SLC45A2: variants seen among roughly 807,000 people sequenced by gnomAD.
SLC45A2 encodes the protein solute carrier family 45 member 2.
SLC45A2 carries 36 observed loss-of-function variants against 45.5 expected under a neutral mutation model. The ratio of observed to expected loss-of-function variants is 0.79; its 90% CI spans 0.61 to 1.04. SLC45A2 has a LOEUF of 1.04. Ranked by LOEUF, SLC45A2 falls within the 50% of genes least tolerant of loss-of-function variation. The pLI is 0.00. For missense variants in SLC45A2, 719 were observed against 671.0 expected (o/e 1.07, Z -0.79); for synonymous variants, 306 against 269.3 (o/e 1.14, Z -1.33).
chr5:33,957,376 C>G (rs1013401187), intron 3 of SLC45A2, among the ~76,000 whole-genome samples: 1 of 152,108 alleles, frequency 6.6e-6, no homozygotes, highest in African/African-American at 2.4e-5. Context: ...CTTATATAAT[C>G]ATGCTTTTTT....
At chr5:33,961,615 T>C (rs1428424504) in intron 3 of SLC45A2, among the ~76,000 whole-genome samples, 1 of 152,026 alleles carries the variant, frequency 6.6e-6, no homozygotes, top group African/African-American at 2.4e-5. Context: ...TTAGGCACAA[T>C]CCTTCCCTCT....
intron 3 of SLC45A2, among the ~76,000 whole-genome samples, chr5:33,961,774 G>A (rs916532719): frequency 6.6e-6 from 1 of 152,160 alleles, no homozygotes; most frequent in Non-Finnish European, 1.5e-5. Flanking sequence ...AAGGAACTCT[G>A]TTCCTGTACC....
chr5:33,966,898 C>T (rs931192693), intron 2 of SLC45A2, among the ~76,000 whole-genome samples: 1 of 152,166 alleles, frequency 6.6e-6, no homozygotes. Flanking sequence ...GATTTGGAAT[C>T]GTGCCTGATT....
rs115358018 is a variant in SLC45A2 at position 33,970,178 on chromosome 5, G to A, written c.563-6162C>T. On this transcript the variant is annotated intron_variant, in intron 2 of 6. Transcript: ENST00000296589. ...CTCCCTTGCTCCAGCAGCTGCTGCA[G>A]TGACCAAATCTAAGCCAGCTCCGGC... 1.9e-3 allele frequency among the ~76,000 whole-genome samples: 283 copies of A among 152,330 alleles called. 2 individuals are homozygous for A. The highest frequency in any genetic ancestry group is 6.4e-3 in the African/African-American group (268 of 41,582).
At chr5:33,959,944 C>T (rs751103708) in intron 3 of SLC45A2, among the ~76,000 whole-genome samples, 1 of 152,080 alleles carries the variant, frequency 6.6e-6, no homozygotes, top group African/African-American at 2.4e-5. Context: ...TATTTATATA[C>T]ATAACTGTAT....
At chr5:33,961,341 T>C (rs1335357473) in intron 3 of SLC45A2, among the ~76,000 whole-genome samples, 2 of 152,182 alleles carry the variant, frequency 1.3e-5, no homozygotes, top group African/African-American at 4.8e-5. Context: ...TTAGTTCCTA[T>C]GCTGGCATTC....
At chr5:33,974,564 C>T (rs992564589) in intron 2 of SLC45A2, among the ~76,000 whole-genome samples, 2 of 152,096 alleles carry the variant, frequency 1.3e-5, no homozygotes, top group African/African-American at 2.4e-5. Context: ...ATGCCTCTGC[C>T]GGAAAACGTT....
chr5:33,974,430 G>T (rs2111993023), intron 2 of SLC45A2, among the ~76,000 whole-genome samples: 2 of 150,928 alleles, frequency 1.3e-5, no homozygotes, highest in Middle Eastern at 3.4e-3. Flanking sequence ...GGAAATGCTG[G>T]AACAGAACCA....
At chr5:33,960,483 T>C (rs563850969) in intron 3 of SLC45A2, among the ~76,000 whole-genome samples, 26 of 152,262 alleles carry the variant, frequency 1.7e-4, no homozygotes, top group African/African-American at 5.3e-4. Flanking sequence ...TTGAAGAATA[T>C]TATTCTAAGT....
At chr5:33,954,237 T>G in intron 4 of SLC45A2, 124 bp downstream of exon 4, 1 of 1,387,994 alleles carries the variant, frequency 7.2e-7, no homozygotes, top group Middle Eastern at 1.8e-4. Context: ...GTCAGCTTCT[T>G]GATGGTACCC....
chr5:33,980,804 T>C (rs950903924), intron 2 of SLC45A2, among the ~76,000 whole-genome samples: 1 of 151,670 alleles, frequency 6.6e-6, no homozygotes, highest in Non-Finnish European at 1.5e-5. Flanking sequence ...CCAATAAGGA[T>C]GAGGAGAAAG....
intron 2 of SLC45A2, among the ~76,000 whole-genome samples, chr5:33,974,349 A>G (rs150570771): frequency 6.6e-6 from 1 of 152,100 alleles, no homozygotes; most frequent in East Asian, 1.9e-4. Context: ...AGAAAATCCC[A>G]AAAAAATGTC....
At chr5:33,973,438 G>T (rs1247485037) in intron 2 of SLC45A2, among the ~76,000 whole-genome samples, 1 of 152,130 alleles carries the variant, frequency 6.6e-6, no homozygotes. Context: ...TTTGTTTGAT[G>T]AAACAAAACC....
chr5:33,956,888 C>T (rs1752293362), intron 3 of SLC45A2, among the ~76,000 whole-genome samples: 1 of 152,084 alleles, frequency 6.6e-6, no homozygotes, highest in Non-Finnish European at 1.5e-5. Flanking sequence ...CTCAATGGAG[C>T]TTACATTAAG....
At chr5:33,956,345 A>C (rs1273755649) in intron 3 of SLC45A2, among the ~76,000 whole-genome samples, 1 of 152,206 alleles carries the variant, frequency 6.6e-6, no homozygotes, top group African/African-American at 2.4e-5. Flanking sequence ...ACATGGCCTT[A>C]CCAGTATGAT....
At chr5:33,970,619 C>T (rs1752750800) in intron 2 of SLC45A2, among the ~76,000 whole-genome samples, 1 of 152,192 alleles carries the variant, frequency 6.6e-6, no homozygotes, top group African/African-American at 2.4e-5. Flanking sequence ...CTACCACTAA[C>T]CAGCTGTGTG....
intron 5 of SLC45A2, among the ~76,000 whole-genome samples, chr5:33,948,563 C>T (rs1027592905): frequency 5.3e-5 from 8 of 152,200 alleles, no homozygotes; most frequent in Non-Finnish European, 7.3e-5. Context: ...AATTATGAAA[C>T]TAAACACTCT....
At position 33,952,319 on chromosome 5, in the gene SLC45A2, G is replaced by T. The variant is rs144801818; in HGVS notation, c.1033-642C>A. The stretch of plus-strand genomic sequence containing the variant: ...ACCCCACCCCTCCTTTTTGAAGCCT[G>T]CCATGATTGCTACAGCTCACATCAA... On this transcript the variant is annotated intron_variant, in intron 4 of 6. Transcript: ENST00000296589. Among the ~76,000 whole-genome samples the T allele has an allele frequency of 1.2e-3, 178 of 149,928 alleles. 1 individual carries two copies. The highest frequency in any genetic ancestry group is 4.2e-3 in the African/African-American group (170 of 40,814).
intron 2 of SLC45A2, among the ~76,000 whole-genome samples, chr5:33,971,684 T>A (rs970320741): frequency 1.3e-5 from 2 of 152,222 alleles, no homozygotes; most frequent in African/African-American, 4.8e-5. Flanking sequence ...TGGAGTGCAG[T>A]GGCGTGATCT....
Sources: gnomAD v4.1 joint callset for allele counts (sites outside exome capture counted in the v4.1 genomes callset) on GRCh38, gnomAD v4.1.1 for gene constraint, MANE v1.5 for transcripts, NCBI Gene and HGNC (gene_info 2026-07-23, HGNC 2026-07-21) for gene names.